Variants in BBX observed in about 807,000 individuals in gnomAD.
BBX encodes BBX high mobility group box domain containing.
In BBX, 30 loss-of-function variants were observed where a neutral mutation model predicts 100.2. The ratio of observed to expected loss-of-function variants is 0.30; its 90% confidence interval spans 0.22 to 0.41. BBX has a LOEUF of 0.41. Among genes scored for constraint, BBX ranks in the 10% least tolerant of loss-of-function variants. BBX has a pLI of 1.00. For missense variants in BBX, 1,023 were observed against 1,129.8 expected (o/e 0.91, Z 1.35); for synonymous variants, 376 against 388.1 (o/e 0.97, Z 0.37).
At chr3:107,614,027 C>T (rs2055060295) in intron 2 of BBX, among the ~76,000 whole-genome samples, 2 of 142,156 alleles carry the variant, frequency 1.4e-5, no homozygotes, top group Admixed American at 1.5e-4. Flanking sequence ...TCTCGGCTCA[C>T]TGGAACCTCC....
chr3:107,787,497 A>G (rs545738686), intron 13 of BBX, among the ~76,000 whole-genome samples: 65 of 152,312 alleles, frequency 4.3e-4, no homozygotes, highest in African/African-American at 1.5e-3. Flanking sequence ...GGGGGAATAC[A>G]GGTATAGGAG....
intron 3 of BBX, among the ~76,000 whole-genome samples, chr3:107,656,719 C>T (rs1203424393): frequency 2.6e-5 from 4 of 152,070 alleles, no homozygotes; most frequent in African/African-American, 7.2e-5. Flanking sequence ...TTTTCTATTC[C>T]TCTGTATAGC....
chr3:107,711,778 C>T (rs2061737945), intron 4 of BBX, among the ~76,000 whole-genome samples: 1 of 152,114 alleles, frequency 6.6e-6, no homozygotes, highest in African/African-American at 2.4e-5. Context: ...ATGTGTTGAT[C>T]ACTTGGTCAT....
At chr3:107,695,031 C>T (rs1238436285) in intron 3 of BBX, among the ~76,000 whole-genome samples, 10 of 149,554 alleles carry the variant, frequency 6.7e-5, no homozygotes, top group Middle Eastern at 3.2e-3. Context: ...TCTGTGGGAT[C>T]GGTGGTGATA....
At chr3:107,630,357 A>G (rs2056468477) in intron 2 of BBX, among the ~76,000 whole-genome samples, 1 of 152,186 alleles carries the variant, frequency 6.6e-6, no homozygotes, top group African/African-American at 2.4e-5. Context: ...AGTAAATATA[A>G]GGACTCTTTA....
intron 2 of BBX, among the ~76,000 whole-genome samples, chr3:107,615,363 T>A (rs894719507): frequency 3.3e-5 from 5 of 152,150 alleles, no homozygotes; most frequent in Non-Finnish European, 7.4e-5. Context: ...ACTGGGTAGC[T>A]TATAAACAAC....
At chr3:107,711,619 T>C (rs2061729003) in intron 4 of BBX, among the ~76,000 whole-genome samples, 1 of 152,198 alleles carries the variant, frequency 6.6e-6, no homozygotes, top group Non-Finnish European at 1.5e-5. Context: ...GAAGTTACTC[T>C]TTTAGCTTCC....
At chr3:107,565,760 TTTTTTTTTTA>T (rs1196544458) in intron 2 of BBX, among the ~76,000 whole-genome samples, 2 of 149,074 alleles carry the variant, frequency 1.3e-5, no homozygotes, top group Admixed American at 1.3e-4. Flanking sequence ...CCCAACCTAG[TTTTTTTTTTA>T]TTTTTTATTT....
chr3:107,697,895 G>C (rs951554345), intron 3 of BBX, among the ~76,000 whole-genome samples: 1 of 151,910 alleles, frequency 6.6e-6, no homozygotes. Context: ...GTTATAATCT[G>C]CTGCTGCGCC....
chr3:107,708,770 T>C (rs2061541964), intron 3 of BBX, among the ~76,000 whole-genome samples: 1 of 152,164 alleles, frequency 6.6e-6, no homozygotes. Context: ...CATAATAATC[T>C]TTTCATCAAT....
At chr3:107,776,758 TGA>T (rs2067351707) in intron 12 of BBX, among the ~76,000 whole-genome samples, 1 of 152,220 alleles carries the variant, frequency 6.6e-6, no homozygotes, top group African/African-American at 2.4e-5. Context: ...AGAGACCTTA[TGA>T]GTTACGTCTC....
chr3:107,674,407 T>C (rs2059179719), intron 3 of BBX, among the ~76,000 whole-genome samples: 1 of 152,162 alleles, frequency 6.6e-6, no homozygotes, highest in Non-Finnish European at 1.5e-5. Context: ...AAGACCTCCT[T>C]TGTACTGATT....
At chr3:107,591,789 T>C (rs1454757176) in intron 2 of BBX, among the ~76,000 whole-genome samples, 1 of 152,120 alleles carries the variant, frequency 6.6e-6, no homozygotes, top group Non-Finnish European at 1.5e-5. Context: ...GGCCAGTAAA[T>C]GTTACATCTA....
Position 107,773,646 on chromosome 3 carries a change from T to C in BBX, c.1915+10T>C. ...GCTAATGTTGACAGAGGTAAGTAACTTCTACAAACCTGAAAAGAATTCAAA... is the reference window on the plus strand; with the variant it reads ...GCTAATGTTGACAGAGGTAAGTAACCTCTACAAACCTGAAAAGAATTCAAA... On this transcript the variant is annotated intron_variant, in intron 11 of 17. Coordinates refer to ENST00000325805, the MANE Select transcript of BBX (RefSeq NM_001142568.3). This position sits in a 1 kb window ranked among gnomAD's most constrained non-coding sequence, Gnocchi z 4.1. The C allele has an allele frequency of 5.0e-6, 8 of 1,592,542 alleles. No individual in the cohort carries two copies. The highest frequency in any genetic ancestry group is 6.8e-6 in the Non-Finnish European group (8 of 1,172,018).
chr3:107,677,569 A>G (rs558672204), intron 3 of BBX: 11 of 152,304 alleles, frequency 7.2e-5, no homozygotes, highest in African/African-American at 2.4e-4. Flanking sequence ...GAACAGTTAT[A>G]TTAGCCTACA....
intron 15 of BBX, among the ~76,000 whole-genome samples, chr3:107,797,364 A>ATATATATATATATATATATATATAT (rs71113691): frequency 9.1e-6 from 1 of 109,836 alleles, no homozygotes; most frequent in Non-Finnish European, 1.9e-5. Flanking sequence ...ATATATATAT[A>ATATATATATATATATATATATATAT]GCTTTATTGC....
intron 2 of BBX, among the ~76,000 whole-genome samples, chr3:107,580,625 G>C (rs659482): frequency 0.16 from 24,299 of 150,460 alleles, 2,544 homozygotes; most frequent in African/African-American, 0.3. Flanking sequence ...AAACTGTTAA[G>C]CACTCAATTT....
chr3:107,696,142 C>G (rs1237187519), intron 3 of BBX, among the ~76,000 whole-genome samples: 1 of 151,762 alleles, frequency 6.6e-6, no homozygotes, highest in Non-Finnish European at 1.5e-5. Context: ...GGTCTTGACT[C>G]TTTATCCAAT....
intron 3 of BBX, among the ~76,000 whole-genome samples, chr3:107,651,269 G>A (rs778363827): frequency 1.3e-5 from 2 of 152,146 alleles, no homozygotes. Context: ...TTCGTTAACA[G>A]TCTTCTAAGA....
Sources: gnomAD v4.1 joint callset for allele counts (sites outside exome capture counted in the v4.1 genomes callset) on GRCh38, gnomAD v4.1.1 for gene constraint, Gnocchi (gnomAD v3.1) non-coding constraint, MANE v1.5 for transcripts, NCBI Gene and HGNC (gene_info 2026-07-23, HGNC 2026-07-21) for gene names.